The following CNTNAP5 variants were observed in gnomAD, a reference collection of about 807,000 sequenced individuals.
CNTNAP5 encodes contactin-associated protein-like 5.
In CNTNAP5, 72 loss-of-function variants were observed where a neutral mutation model predicts 150.2. The ratio of observed to expected loss-of-function variants is 0.48; its 90% CI spans 0.40 to 0.58. The LOEUF (loss-of-function observed/expected upper bound fraction) is 0.58, where lower values mean the gene tolerates loss of function less well. Ranked by LOEUF, CNTNAP5 falls within the 20% of genes least tolerant of loss-of-function variation. CNTNAP5 has a pLI of 0.00. For synonymous variants in CNTNAP5, 672 were observed against 619.8 expected (o/e 1.08, Z -1.25); for missense variants, 1,636 against 1,626.2 (o/e 1.01, Z -0.10).
intron 21 of CNTNAP5, among the ~76,000 whole-genome samples, chr2:124,880,249 C>A (rs1460368144): frequency 6.6e-6 from 1 of 152,106 alleles, no homozygotes; most frequent in East Asian, 1.9e-4. Context: ...TTTACACTTG[C>A]ACAATTATCA....
intron 1 of CNTNAP5, among the ~76,000 whole-genome samples, chr2:124,143,883 C>G (rs908616415): frequency 1.0e-5 from 1 of 100,326 alleles, no homozygotes; most frequent in African/African-American, 4.1e-5. Flanking sequence ...GATTGTTTAT[C>G]TAGAAAACCC....
chr2:124,824,071 C>T (rs982212171), intron 19 of CNTNAP5, among the ~76,000 whole-genome samples: 2 of 151,988 alleles, frequency 1.3e-5, no homozygotes, highest in African/African-American at 4.8e-5. Flanking sequence ...ATGCATACCA[C>T]CATGCCAGGC....
intron 3 of CNTNAP5, among the ~76,000 whole-genome samples, chr2:124,278,968 T>A (rs1687950445): frequency 6.6e-6 from 1 of 152,172 alleles, no homozygotes; most frequent in African/African-American, 2.4e-5. Flanking sequence ...TCATTTAATT[T>A]TCTGTTCGAT....
intron 3 of CNTNAP5, among the ~76,000 whole-genome samples, chr2:124,405,220 CAT>C (rs1288292593): frequency 6.6e-6 from 1 of 152,096 alleles, no homozygotes; most frequent in Non-Finnish European, 1.5e-5. Context: ...TAATGAGCCA[CAT>C]GTTTGTAAGA....
intron 3 of CNTNAP5, among the ~76,000 whole-genome samples, chr2:124,388,059 A>T (rs533742864): frequency 6.6e-6 from 1 of 152,302 alleles, no homozygotes; most frequent in South Asian, 2.1e-4. Context: ...TTAGGAAGAG[A>T]TTACACTTTA....
At chr2:124,327,717 A>G (rs1171605303) in intron 3 of CNTNAP5, among the ~76,000 whole-genome samples, 1 of 152,188 alleles carries the variant, frequency 6.6e-6, no homozygotes, top group African/African-American at 2.4e-5. Context: ...AAGAACTGGA[A>G]GGCCCCTTCC....
At chr2:124,345,053 T>TG (rs1429354601) in intron 3 of CNTNAP5, among the ~76,000 whole-genome samples, 1 of 152,138 alleles carries the variant, frequency 6.6e-6, no homozygotes, top group African/African-American at 2.4e-5. Context: ...CATGAGAAAG[T>TG]GCCAGGTTTA....
intron 10 of CNTNAP5, among the ~76,000 whole-genome samples, chr2:124,536,208 G>T (rs1695227937): frequency 6.6e-6 from 1 of 152,102 alleles, no homozygotes; most frequent in Admixed American, 6.5e-5. Context: ...ATCATTTGTG[G>T]TCTATTTCAC....
At chr2:124,569,189 T>G (rs1696097227) in intron 11 of CNTNAP5, among the ~76,000 whole-genome samples, 1 of 152,212 alleles carries the variant, frequency 6.6e-6, no homozygotes, top group Non-Finnish European at 1.5e-5. Flanking sequence ...CAACTTGTTT[T>G]CCTAAACTCT....
At chr2:124,116,440 G>A (rs1683430738) in intron 1 of CNTNAP5, among the ~76,000 whole-genome samples, 1 of 152,192 alleles carries the variant, frequency 6.6e-6, no homozygotes, top group Admixed American at 6.5e-5. Flanking sequence ...AGAGATGGCA[G>A]TAGCAGGGCT....
At chr2:124,810,461 G>A (rs1289606203) in intron 19 of CNTNAP5, among the ~76,000 whole-genome samples, 4 of 152,124 alleles carry the variant, frequency 2.6e-5, no homozygotes, top group African/African-American at 9.7e-5. Flanking sequence ...AGGGTATAGA[G>A]GGAGGACACA....
chr2:124,818,454 G>GGC (rs1558788030), intron 19 of CNTNAP5, among the ~76,000 whole-genome samples: 22 of 152,150 alleles, frequency 1.4e-4, no homozygotes, highest in African/African-American at 4.6e-4. Context: ...TTGAGCCCAA[G>GGC]GGGGGTTTGC....
At chr2:124,675,793 A>T (rs536203457) in intron 13 of CNTNAP5, among the ~76,000 whole-genome samples, 100 of 152,094 alleles carry the variant, frequency 6.6e-4, no homozygotes, top group African/African-American at 2.2e-3. Context: ...AGATATTTTT[A>T]TTTATTTATT....
chr2:124,457,544 T>G (rs1377616403), intron 6 of CNTNAP5, among the ~76,000 whole-genome samples: 1 of 152,124 alleles, frequency 6.6e-6, no homozygotes, highest in Non-Finnish European at 1.5e-5. Flanking sequence ...GTCTTTTTAT[T>G]AATCAACTTT....
At chr2:124,181,983 G>A (rs1265386280) in intron 1 of CNTNAP5, among the ~76,000 whole-genome samples, 1 of 152,116 alleles carries the variant, frequency 6.6e-6, no homozygotes, top group Non-Finnish European at 1.5e-5. Context: ...GGGACAGAGG[G>A]AATGTCATGA....
chr2:124,059,259 T>G (rs1681937802), intron 1 of CNTNAP5, among the ~76,000 whole-genome samples: 1 of 152,246 alleles, frequency 6.6e-6, no homozygotes, highest in Admixed American at 6.5e-5. Context: ...TAGATTTGTT[T>G]GTATTTTAAA....
chr2:124,836,768 C>T (rs1682837776), intron 19 of CNTNAP5, among the ~76,000 whole-genome samples: 1 of 152,086 alleles, frequency 6.6e-6, no homozygotes, highest in Non-Finnish European at 1.5e-5. Flanking sequence ...TCGTGAGTGT[C>T]AGTATATAAA....
At chr2:124,303,656 G>T (rs1688616864) in intron 3 of CNTNAP5, among the ~76,000 whole-genome samples, 1 of 152,152 alleles carries the variant, frequency 6.6e-6, no homozygotes, top group Admixed American at 6.5e-5. Context: ...AGGTTTAAAA[G>T]AGCAACTTAT....
At chr2:124,620,869 C>T (rs1017733248) in intron 12 of CNTNAP5, among the ~76,000 whole-genome samples, 1 of 152,092 alleles carries the variant, frequency 6.6e-6, no homozygotes, top group Admixed American at 6.6e-5. Flanking sequence ...TCTACAACCA[C>T]TCTTACAGTT....
Sources: allele counts gnomAD v4.1 joint callset (sites outside exome capture counted in the v4.1 genomes callset), GRCh38; gene constraint gnomAD v4.1.1; transcripts MANE v1.5; gene names NCBI Gene and HGNC (gene_info 2026-07-23, HGNC 2026-07-21).